The following MLPH variants were observed in gnomAD, a reference collection of about 807,000 sequenced individuals.
The protein encoded by MLPH is melanophilin, also known as exophilin-3.
A neutral mutation model predicts 72.1 loss-of-function variants in MLPH; 51 were observed. The observed-to-expected ratio is 0.71, with a 90% CI of 0.56 to 0.89. MLPH has a LOEUF of 0.89. Ranked by LOEUF, MLPH falls within the 40% of genes least tolerant of loss-of-function variation. MLPH has a pLI of 0.00. For missense variants in MLPH, 743 were observed against 759.9 expected (o/e 0.98, Z 0.26); for synonymous variants, 301 against 310.1 (o/e 0.97, Z 0.31).
chr2:237,490,204 G>C (rs2079401260), intron 1 of MLPH, among the ~76,000 whole-genome samples: 1 of 152,068 alleles, frequency 6.6e-6, no homozygotes, highest in Non-Finnish European at 1.5e-5. Flanking sequence ...GAGCAGCCCT[G>C]CACTCCTCAT....
rs139706602 is a variant in MLPH at position 237,524,302 on chromosome 2, A to AATATATATATATATAT, written c.676-1295_676-1280dup. 6.4e-3 allele frequency among the ~76,000 whole-genome samples: 809 copies of AATATATATATATATAT among 127,308 alleles called. 45 individuals carry two copies. Among genetic ancestry groups the AATATATATATATATAT allele is most frequent in the African/African-American group, 0.031 (742 of 24,284 alleles). 83.5% of individuals were successfully genotyped at this position (127,308 alleles called of 152,430 possible). On this transcript the variant is annotated intron_variant, in intron 6 of 15. Coordinates refer to ENST00000264605, the MANE Select transcript of MLPH (RefSeq NM_024101.7). Reference sequence around the variant, plus strand: ...TTTCTTAGAGGGACAGAACTAATAGAATATATATATATATATATAAAGGGG... The same window carrying AATATATATATATATAT: ...TTTCTTAGAGGGACAGAACTAATAGAATATATATATATATATATATATATATATATATATAAAGGGG...
intron 4 of MLPH, 193 bp from the exon 5 acceptor site, chr2:237,518,346 G>A: frequency 1.5e-6 from 1 of 681,278 alleles, no homozygotes; most frequent in South Asian, 1.6e-5. Context: ...TTGATAAATA[G>A]GGGGATGGGT....
chr2:237,542,469 A>C (rs2080711651), intron 11 of MLPH, 98 bp from the exon 12 acceptor site: 6 of 967,066 alleles, frequency 6.2e-6, no homozygotes, highest in Non-Finnish European at 8.1e-6. Flanking sequence ...AATTGGCTCC[A>C]GGACTGAGCT....
At chr2:237,552,283 T>C in intron 14 of MLPH, 54 bp from the exon 15 acceptor site, 3 of 1,516,362 alleles carry the variant, frequency 2.0e-6, no homozygotes, top group East Asian at 2.3e-5. Flanking sequence ...GGCACTTGTT[T>C]GGGCTAAGTA....
intron 2 of MLPH, among the ~76,000 whole-genome samples, chr2:237,501,664 T>TAAAAAAAAAAA (rs58268748): frequency 5.1e-3 from 323 of 63,282 alleles, no homozygotes; most frequent in Non-Finnish European, 6.5e-3. Context: ...ACGTCTCTAC[T>TAAAAAAAAAAA]AAAAAAAAAA....
intron 14 of MLPH, among the ~76,000 whole-genome samples, chr2:237,550,232 C>T (rs1488077730): frequency 6.6e-6 from 1 of 152,204 alleles, no homozygotes; most frequent in Non-Finnish European, 1.5e-5. Context: ...CTCTCCACCG[C>T]CTCCCTGCAA....
chr2:237,486,961 A>G (rs2079328359), upstream of MLPH, among the ~76,000 whole-genome samples: 1 of 152,032 alleles, frequency 6.6e-6, no homozygotes, highest in Non-Finnish European at 1.5e-5. Context: ...CACCGTGCCC[A>G]AGGCAGGACC....
At chr2:237,538,576 C>G (rs1459712794) in intron 9 of MLPH, among the ~76,000 whole-genome samples, 1 of 152,208 alleles carries the variant, frequency 6.6e-6, no homozygotes. Context: ...CATCAGTGTC[C>G]TTTTAAGGCC....
intron 4 of MLPH, 156 bp downstream of exon 4, chr2:237,511,257 C>G: frequency 1.7e-6 from 1 of 585,934 alleles, no homozygotes. Context: ...TGAATTCCTG[C>G]TTCTGGCTGC....
chr2:237,546,823 C>T (rs2080929605), intron 13 of MLPH, 140 bp downstream of exon 13: 2 of 760,338 alleles, frequency 2.6e-6, no homozygotes, highest in Admixed American at 1.9e-5. Flanking sequence ...CACACAGCTG[C>T]CACAACACCG....
intron 8 of MLPH, among the ~76,000 whole-genome samples, chr2:237,531,085 C>T (rs1326554539): frequency 6.6e-6 from 1 of 152,156 alleles, no homozygotes; most frequent in African/African-American, 2.4e-5. Context: ...CTGGGGGGTC[C>T]CAGAAAGCAT....
intron 8 of MLPH, among the ~76,000 whole-genome samples, chr2:237,530,714 G>A (rs1427561417): frequency 1.3e-5 from 2 of 152,210 alleles, no homozygotes; most frequent in Non-Finnish European, 1.5e-5. Context: ...ACCCATTGGG[G>A]CCCACAATTC....
At chr2:237,535,480 G>A (rs2080512243) in intron 9 of MLPH, among the ~76,000 whole-genome samples, 2 of 151,894 alleles carry the variant, frequency 1.3e-5, no homozygotes, top group Non-Finnish European at 2.9e-5. Flanking sequence ...CCTGCTGCAG[G>A]AGTGTGTGTG....
intron 2 of MLPH, 31 bp downstream of exon 2, chr2:237,493,567 C>T (rs747931042): frequency 1.1e-5 from 17 of 1,568,676 alleles, no homozygotes; most frequent in African/African-American, 8.1e-5. Context: ...CCACGGAGCC[C>T]GGGGTCCCTG....
intron 1 of MLPH, among the ~76,000 whole-genome samples, chr2:237,490,163 G>T (rs2079400383): frequency 6.6e-6 from 1 of 152,120 alleles, no homozygotes. Flanking sequence ...TACTCTGGGA[G>T]CCCCCACCCC....
Position 237,553,719 on chromosome 2 carries a change from A to T in MLPH, c.*127A>T. 7.5e-7 allele frequency: 1 copy of T among 1,329,188 alleles called. No homozygotes were observed. The highest frequency in any genetic ancestry group is 1.4e-5 in the African/African-American group (1 of 69,252). The allele number at this position is 1,329,188 out of a possible 1,614,324, so 82.3% of individuals were successfully genotyped here. ...GTCCCAATGAGAAACAAGAAGGAGC[A>T]CCCTCCACATGGACTCCCACCTGCA... On this transcript the variant is annotated 3_prime_UTR_variant, in exon 16 of 16. Coordinates refer to ENST00000264605, the MANE Select transcript of MLPH (RefSeq NM_024101.7).
chr2:237,529,845 C>T (rs765949501), intron 8 of MLPH, among the ~76,000 whole-genome samples: 2 of 152,210 alleles, frequency 1.3e-5, no homozygotes, highest in African/African-American at 4.8e-5. Flanking sequence ...TGGTACAGAG[C>T]CCCTCCTCCC....
chr2:237,518,212 G>A (rs1017405566), intron 4 of MLPH: 2 of 428,582 alleles, frequency 4.7e-6, no homozygotes, highest in Admixed American at 3.2e-5. Context: ...GAATAGATGG[G>A]TGGAGGATAG....
chr2:237,549,421 C>T (rs975563176), intron 14 of MLPH, 143 bp downstream of exon 14: 28 of 872,442 alleles, frequency 3.2e-5, no homozygotes, highest in Middle Eastern at 6.6e-4. Flanking sequence ...TTCCCAGTGC[C>T]GCTCGGGCCA....
Sources: allele counts gnomAD v4.1 joint callset (sites outside exome capture counted in the v4.1 genomes callset), GRCh38; gene constraint gnomAD v4.1.1; transcripts MANE v1.5; gene names NCBI Gene and HGNC (gene_info 2026-07-23, HGNC 2026-07-21).